CEP89: variants seen among roughly 807,000 people sequenced by gnomAD.
The protein encoded by CEP89 is centrosomal protein 89.
A neutral mutation model predicts 97.6 loss-of-function variants in CEP89; 95 were observed. That is an observed-to-expected ratio of 0.97 (90% CI 0.82 to 1.15). The LOEUF is 1.15. Ranked by LOEUF, CEP89 falls within the 50% of genes most tolerant of loss-of-function variation. The pLI, the probability that CEP89 is intolerant of heterozygous loss-of-function variation, is 0.00. For missense variants in CEP89, 869 were observed against 947.7 expected, an observed-to-expected ratio of 0.92 and a Z score of 1.09; for synonymous variants, 354 against 349.1, an observed-to-expected ratio of 1.01 and a Z score of -0.16.
At chr19:32,899,800 A>C (rs1969724560) in intron 16 of CEP89, 57 bp downstream of exon 16, 2 of 1,520,364 alleles carry the variant, frequency 1.3e-6, no homozygotes, top group African/African-American at 2.8e-5. Flanking sequence ...AATACTCTTA[A>C]AATCACATTT....
At chr19:32,883,632 G>A (rs1035810506) in intron 17 of CEP89, among the ~76,000 whole-genome samples, 7 of 152,096 alleles carry the variant, frequency 4.6e-5, no homozygotes, top group African/African-American at 9.7e-5. Flanking sequence ...CCAAGATCAC[G>A]CCACTGTACT....
chr19:32,925,173 G>A (rs540941187), intron 11 of CEP89, among the ~76,000 whole-genome samples: 1 of 152,098 alleles, frequency 6.6e-6, no homozygotes, highest in African/African-American at 2.4e-5. Flanking sequence ...CATTTCTTTC[G>A]CTGGATCCTT....
At chr19:32,881,041 C>T (rs1281112652) in intron 18 of CEP89, among the ~76,000 whole-genome samples, 2 of 152,306 alleles carry the variant, frequency 1.3e-5, no homozygotes, top group Non-Finnish European at 2.9e-5. Flanking sequence ...CCAGGCATCA[C>T]CTGGGGACTA....
intron 3 of CEP89, among the ~76,000 whole-genome samples, chr19:32,955,553 A>G (rs529378238): frequency 6.6e-6 from 1 of 151,780 alleles, no homozygotes; most frequent in South Asian, 2.1e-4. Context: ...TCGCTCTGTC[A>G]CCCAGGCTGG....
intron 14 of CEP89, among the ~76,000 whole-genome samples, chr19:32,902,357 C>T (rs1969799127): frequency 6.6e-6 from 1 of 152,086 alleles, no homozygotes; most frequent in Non-Finnish European, 1.5e-5. Context: ...GTAAAACATA[C>T]AAAATCCAAG....
chr19:32,929,678 C>T (rs897028491), intron 9 of CEP89, among the ~76,000 whole-genome samples: 3 of 151,990 alleles, frequency 2.0e-5, no homozygotes, highest in Non-Finnish European at 4.4e-5. Context: ...GAGAACATGG[C>T]ATTTGCACAG....
intron 8 of CEP89, 92 bp downstream of exon 8, chr19:32,933,359 A>T: frequency 1.0e-6 from 1 of 978,772 alleles, no homozygotes; most frequent in Non-Finnish European, 1.5e-6. Context: ...TAAATTACCA[A>T]CACAAATATC....
intron 12 of CEP89, 46 bp from the exon 13 acceptor site, chr19:32,918,385 TGGTTACAGAAA>T: frequency 1.4e-6 from 2 of 1,394,990 alleles, no homozygotes; most frequent in Non-Finnish European, 2.0e-6. Context: ...AGGTGCTGAA[TGGTTACAGAAA>T]CACTCTGGAA....
intron 14 of CEP89, 27 bp from the exon 15 acceptor site, chr19:32,901,439 G>A (rs752090075): frequency 8.1e-6 from 13 of 1,604,062 alleles, no homozygotes; most frequent in Admixed American, 5.2e-5. Context: ...TTACATGCTC[G>A]TATCCAGCAC....
chr19:32,880,461 C>G (rs1371902723), intron 18 of CEP89, among the ~76,000 whole-genome samples: 1 of 151,956 alleles, frequency 6.6e-6, no homozygotes, highest in Non-Finnish European at 1.5e-5. Context: ...CATGTGAGAC[C>G]TCATCTCTAC....
At chr19:32,903,101 G>C (rs551565419) in intron 14 of CEP89, among the ~76,000 whole-genome samples, 4 of 151,858 alleles carry the variant, frequency 2.6e-5, no homozygotes, top group South Asian at 2.1e-4. Flanking sequence ...CAGCACTTTG[G>C]GAGGCTGAGG....
intron 14 of CEP89, among the ~76,000 whole-genome samples, chr19:32,908,556 C>G (rs1056748760): frequency 9.9e-5 from 15 of 152,156 alleles, no homozygotes; most frequent in African/African-American, 3.1e-4. Context: ...CCATGAAGAC[C>G]TAGTGAAAAA....
At chr19:32,889,986 T>C (rs530908606) in intron 16 of CEP89, among the ~76,000 whole-genome samples, 5 of 152,214 alleles carry the variant, frequency 3.3e-5, no homozygotes, top group Admixed American at 2.6e-4. Flanking sequence ...CTTGAGTGCC[T>C]TCAAGGCTCC....
intron 5 of CEP89, among the ~76,000 whole-genome samples, chr19:32,940,534 T>A (rs2145940524): frequency 6.6e-6 from 1 of 152,302 alleles, no homozygotes; most frequent in Middle Eastern, 3.4e-3. Context: ...ACTCCCTGGA[T>A]GGGCCAACGC....
chr19:32,914,536 T>C (rs568346215), intron 14 of CEP89, among the ~76,000 whole-genome samples: 1 of 151,992 alleles, frequency 6.6e-6, no homozygotes, highest in African/African-American at 2.4e-5. Context: ...CCTCTCAAAG[T>C]GTTGGGATCA....
intron 5 of CEP89, among the ~76,000 whole-genome samples, chr19:32,944,977 G>T (rs547185093): frequency 1.3e-5 from 2 of 152,314 alleles, no homozygotes; most frequent in South Asian, 4.1e-4. Context: ...GCCTAGAAAC[G>T]ACAGAGTCAA....
chr19:32,918,164 A>C (rs1970168586), intron 13 of CEP89, 60 bp downstream of exon 13: 7 of 1,343,402 alleles, frequency 5.2e-6, no homozygotes, highest in Non-Finnish European at 6.4e-6. Flanking sequence ...AGAGAGATAG[A>C]AGGGTAAAAT....
chr19:32,925,506 T>TTTCC (rs1555791794), intron 11 of CEP89, among the ~76,000 whole-genome samples: 1 of 128,584 alleles, frequency 7.8e-6, no homozygotes, highest in Non-Finnish European at 1.6e-5. Context: ...TTTTTTTTTT[T>TTTCC]CGAGACGGAG....
At chr19:32,930,642 C>T (rs1202334026) in intron 9 of CEP89, among the ~76,000 whole-genome samples, 1 of 152,114 alleles carries the variant, frequency 6.6e-6, no homozygotes, top group Non-Finnish European at 1.5e-5. Flanking sequence ...GTGTCACTCA[C>T]ATCTTCACAG....
Sources: allele counts gnomAD v4.1 joint callset (sites outside exome capture counted in the v4.1 genomes callset), GRCh38; gene constraint gnomAD v4.1.1; transcripts MANE v1.5; gene names NCBI Gene and HGNC (gene_info 2026-07-23, HGNC 2026-07-21).